The following KIRREL3 variants were observed in gnomAD, a reference collection of about 807,000 sequenced individuals.
KIRREL3 encodes kirre like nephrin family adhesion molecule 3, also known as kin of IRRE-like protein 3.
Under a neutral mutation model 89.7 loss-of-function variants are expected in KIRREL3, and 36 were observed. The observed-to-expected ratio is 0.40, with a 90% confidence interval of 0.31 to 0.53. The LOEUF (loss-of-function observed/expected upper bound fraction) is 0.53, where lower values mean the gene tolerates loss of function less well. Among genes scored for constraint, KIRREL3 ranks in the 20% least tolerant of loss-of-function variants. The pLI, the probability that KIRREL3 is intolerant of heterozygous loss-of-function variation, is 0.49. For synonymous variants in KIRREL3, 445 were observed against 441.4 expected, an observed-to-expected ratio of 1.01 and a Z score of -0.10; for missense variants, 864 against 1,056.6, an observed-to-expected ratio of 0.82 and a Z score of 2.53.
chr11:126,762,619 T>G (rs1949699998), intron 1 of KIRREL3, among the ~76,000 whole-genome samples: 1 of 152,212 alleles, frequency 6.6e-6, no homozygotes, highest in Middle Eastern at 3.2e-3. Flanking sequence ...CAGTGGGAGC[T>G]GGAGCAACCC....
intron 1 of KIRREL3, among the ~76,000 whole-genome samples, chr11:126,998,227 C>T (rs144680408): frequency 0.023 from 3,519 of 152,326 alleles, 102 homozygotes; most frequent in Admixed American, 0.085. Context: ...ACAACATCCA[C>T]ATAAACAAAT....
chr11:126,435,358 G>T, intron 12 of KIRREL3, 55 bp from the exon 13 acceptor site: 2 of 1,589,600 alleles, frequency 1.3e-6, no homozygotes, highest in Non-Finnish European at 1.7e-6. Context: ...CCAGGGTGGG[G>T]TGGGACTGGG....
intron 1 of KIRREL3, among the ~76,000 whole-genome samples, chr11:126,899,338 A>T (rs1337703132): frequency 1.3e-5 from 2 of 152,192 alleles, no homozygotes; most frequent in East Asian, 3.8e-4. Flanking sequence ...AGGTCATCAA[A>T]GTCATTTGCA....
rs1364878293 is a variant in KIRREL3 at position 126,566,821 on chromosome 11, C to A, written c.56-3909G>T. Among the ~76,000 whole-genome samples the A allele has an allele frequency of 6.6e-6, 1 of 152,156 alleles. No individual in the cohort carries two copies. The highest frequency in any genetic ancestry group is 1.9e-4 in the East Asian group (1 of 5,198). On this transcript the variant is annotated intron_variant, in intron 1 of 16. Transcript: ENST00000525144. The surrounding 1 kb of genome is among the most constrained non-coding windows in gnomAD (Gnocchi z 4.9). ...TTTTTTAATGACGCTGTCATATTCC[C>A]TTTCTCTTTAGATGCTCACAGTAAG... is the stretch of plus-strand genomic sequence containing the variant.
chr11:126,844,052 C>T lies in KIRREL3; in HGVS notation c.55+156403G>A, dbSNP rs1186966396. On this transcript the variant is annotated intron_variant, in intron 1 of 16. Coordinates refer to ENST00000525144, the MANE Select transcript of KIRREL3 (RefSeq NM_032531.4). The surrounding 1 kb of genome is among the most constrained non-coding windows in gnomAD (Gnocchi z 4.8). ...ACTTGCTTTCACTTTATGCTCTGGACTCGCCCTGAATTCTTTCTTGTACGA... is the reference window on the plus strand; with the variant it reads ...ACTTGCTTTCACTTTATGCTCTGGATTCGCCCTGAATTCTTTCTTGTACGA... Among the ~76,000 whole-genome samples, 3 of 152,166 alleles carry T rather than the reference C, an allele frequency of 2.0e-5. No homozygotes were observed. Among genetic ancestry groups the T allele is most frequent in the African/African-American group, 7.2e-5 (3 of 41,434 alleles).
chr11:126,580,981 C>T (rs1941517482), intron 1 of KIRREL3, among the ~76,000 whole-genome samples: 1 of 151,876 alleles, frequency 6.6e-6, no homozygotes, highest in African/African-American at 2.4e-5. Flanking sequence ...GAAGTAGGTG[C>T]TCATGTAAAT....
chr11:126,676,962 A>AT lies in KIRREL3; in HGVS notation c.56-114051dup, dbSNP rs572418964. On this transcript the variant is annotated intron_variant, in intron 1 of 16. Transcript: ENST00000525144. This position sits in a 1 kb window ranked among gnomAD's most constrained non-coding sequence, Gnocchi z 4.5. Reference sequence around the variant, plus strand: ...ACCACACCACGCTAATTTTTAAAAAATTTTTTGTAGAGACAGGGTCTTGCT... The same window carrying AT: ...ACCACACCACGCTAATTTTTAAAAAATTTTTTTGTAGAGACAGGGTCTTGCT... Among the ~76,000 whole-genome samples, 755 of 151,840 alleles carry AT rather than the reference A, an allele frequency of 5.0e-3. 10 individuals carry two copies. Among genetic ancestry groups the AT allele is most frequent in the African/African-American group, 0.017 (707 of 41,400 alleles).
At chr11:126,629,518 C>A (rs745592573) in intron 1 of KIRREL3, among the ~76,000 whole-genome samples, 22 of 152,150 alleles carry the variant, frequency 1.4e-4, no homozygotes, top group Non-Finnish European at 3.1e-4. Context: ...TTGCACTGCT[C>A]TCTCTAGGGG....
At chr11:126,510,469 C>CTTCCTTCCTTCCTTCCT (rs1439371645) in intron 4 of KIRREL3, among the ~76,000 whole-genome samples, 7 of 117,250 alleles carry the variant, frequency 6.0e-5, no homozygotes, top group African/African-American at 1.9e-4. Context: ...TCCTTCCTTC[C>CTTCCTTCCTTCCTTCCT]TTTTTTTTGA....
rs1940914445 is a variant in KIRREL3 at position 126,571,287 on chromosome 11, G to A, written c.56-8375C>T. Among the ~76,000 whole-genome samples, 1 of 152,158 alleles carries A rather than the reference G, an allele frequency of 6.6e-6. No homozygotes were observed. The highest frequency in any genetic ancestry group is 2.4e-5 in the African/African-American group (1 of 41,434). ...TTTCTCCCAACTGATGAATTGCCTG[G>A]AATTCTGACACAGCCATCAGCTTTC... On this transcript the variant is annotated intron_variant, in intron 1 of 16. Transcript: ENST00000525144. This position sits in a 1 kb window ranked among gnomAD's most constrained non-coding sequence, Gnocchi z 7.7.
intron 1 of KIRREL3, among the ~76,000 whole-genome samples, chr11:126,582,444 G>A (rs28568607): frequency 9.9e-5 from 15 of 152,206 alleles, no homozygotes; most frequent in African/African-American, 3.4e-4. Context: ...ATCCAGACAC[G>A]GTTCGGGGGT....
At chr11:126,618,076 G>T (rs1943426382) in intron 1 of KIRREL3, among the ~76,000 whole-genome samples, 2 of 152,196 alleles carry the variant, frequency 1.3e-5, no homozygotes, top group Admixed American at 6.5e-5. Context: ...TAGTGAGTAT[G>T]TGAGATATCA....
chr11:126,487,866 C>A (rs905629740), intron 4 of KIRREL3, among the ~76,000 whole-genome samples: 2 of 152,240 alleles, frequency 1.3e-5, no homozygotes, highest in Non-Finnish European at 2.9e-5. Context: ...GTTGGCCGCC[C>A]CGCACTCCAG....
At position 126,520,307 on chromosome 11, in the gene KIRREL3, C is replaced by T. The variant is rs147654186; in HGVS notation, c.433+1008G>A. Among the ~76,000 whole-genome samples the T allele has an allele frequency of 1.9e-3, 289 of 152,300 alleles. 3 individuals are homozygous for T. Among genetic ancestry groups the T allele is most frequent in the Middle Eastern group, 0.01 (3 of 294 alleles). ...GGCTTTCCCACTTCCCTCCTGCACG[C>T]GTGCCTGGCACAGACTCACGTGTAA... On this transcript the variant is annotated intron_variant, in intron 4 of 16. Coordinates refer to ENST00000525144, the MANE Select transcript of KIRREL3 (RefSeq NM_032531.4). The surrounding 1 kb of genome is among the most constrained non-coding windows in gnomAD (Gnocchi z 4.9).
At chr11:126,468,301 C>T (rs2134268426) in intron 5 of KIRREL3, among the ~76,000 whole-genome samples, 1 of 152,380 alleles carries the variant, frequency 6.6e-6, no homozygotes, top group Non-Finnish European at 1.5e-5. Context: ...CCCCAGACAG[C>T]CCAGGGTTGA....
chr11:126,480,460 G>T (rs11220518), intron 4 of KIRREL3, among the ~76,000 whole-genome samples: 22,032 of 152,208 alleles, frequency 0.14, 1,845 homozygotes, highest in Non-Finnish European at 0.19. Flanking sequence ...TATAGGTTAA[G>T]AAGCTGAGAC....
chr11:126,499,277 T>C (rs1957776995), intron 4 of KIRREL3, among the ~76,000 whole-genome samples: 1 of 151,892 alleles, frequency 6.6e-6, no homozygotes, highest in Admixed American at 6.6e-5. Flanking sequence ...ATCCATTGGG[T>C]GACTCTCCGC....
rs904937666 is a variant in KIRREL3, at chr11:126,782,841, A to G, written c.55+217614T>C. On this transcript the variant is annotated intron_variant, in intron 1 of 16. Transcript: ENST00000525144. This position sits in a 1 kb window ranked among gnomAD's most constrained non-coding sequence, Gnocchi z 4.1. ...TATTTCCCAGCTATATCTCCTGAGA[A>G]AGCCTACTAGCAACAACATTACAGT... Among the ~76,000 whole-genome samples the G allele has an allele frequency of 1.3e-4, 20 of 152,338 alleles. No homozygotes were observed. The highest frequency in any genetic ancestry group is 4.8e-4 in the African/African-American group (20 of 41,590).
At chr11:126,804,671 A>G (rs1004422456) in intron 1 of KIRREL3, among the ~76,000 whole-genome samples, 1 of 152,214 alleles carries the variant, frequency 6.6e-6, no homozygotes, top group Non-Finnish European at 1.5e-5. Flanking sequence ...GCTATGAAAT[A>G]TACCTCCCTG....
Sources: allele counts gnomAD v4.1 joint callset (sites outside exome capture counted in the v4.1 genomes callset), GRCh38; gene constraint gnomAD v4.1.1; non-coding constraint Gnocchi (gnomAD v3.1); transcripts MANE v1.5; gene names NCBI Gene and HGNC (gene_info 2026-07-23, HGNC 2026-07-21).